CSE1L: variants seen among roughly 807,000 people sequenced by gnomAD.
CSE1L encodes chromosome segregation 1 like.
A neutral mutation model predicts 120.4 loss-of-function variants in CSE1L; 24 were observed. The observed-to-expected ratio is 0.20, with a 90% confidence interval of 0.14 to 0.28. The LOEUF (loss-of-function observed/expected upper bound fraction) is 0.28. CSE1L is among the 10% of genes least tolerant of loss of function. The pLI is 1.00. For missense variants in CSE1L, 830 were observed against 1,145.2 expected, an observed-to-expected ratio of 0.72 and a Z score of 3.97; for synonymous variants, 402 against 398.3, an observed-to-expected ratio of 1.01 and a Z score of -0.11.
At chr20:49,067,912 T>C (rs2091905335) in intron 6 of CSE1L, among the ~76,000 whole-genome samples, 1 of 113,058 alleles carries the variant, frequency 8.8e-6, no homozygotes, top group Non-Finnish European at 1.8e-5. Context: ...CTTTTTCTCT[T>C]TTTTTTTCCC....
rs2092035312 is a variant in CSE1L, at chr20:49,084,133, T to C, written c.1590T>C (p.Phe530=). 2 of 1,614,118 alleles carry C rather than the reference T, an allele frequency of 1.2e-6. No homozygotes were observed. The highest frequency in any genetic ancestry group is 1.7e-6 in the Non-Finnish European group (2 of 1,179,974). Residue 530 remains phenylalanine, a synonymous_variant, in exon 15 of 25, where the codon TTT becomes TTC. Coordinates refer to ENST00000262982, the MANE Select transcript of CSE1L (RefSeq NM_001316.4). ...TYAAHALERL[F]TMRGPNNATL... is the part of the protein sequence containing the mutation. ...CAGCTCATGCTCTTGAACGGCTCTT[T>C]ACTATGCGAGGGCCTAACAATGCCA...
At chr20:49,046,659 A>G (rs1314049997) in intron 1 of CSE1L, among the ~76,000 whole-genome samples, 26 of 152,288 alleles carry the variant, frequency 1.7e-4, no homozygotes, top group Non-Finnish European at 2.9e-5. Flanking sequence ...CGGCGACCCC[A>G]GGGCCTGTGA....
chr20:49,074,913 T>C, intron 11 of CSE1L, 63 bp downstream of exon 11: 2 of 1,218,656 alleles, frequency 1.6e-6, no homozygotes, highest in Non-Finnish European at 2.4e-6. Flanking sequence ...TGGTTCTCTT[T>C]CTAGTAAATG....
chr20:49,088,771 G>A (rs774195207), intron 17 of CSE1L, among the ~76,000 whole-genome samples: 3 of 152,026 alleles, frequency 2.0e-5, no homozygotes, highest in Non-Finnish European at 4.4e-5. Context: ...CCAAGTCTCC[G>A]CCTCCCATAT....
At chr20:49,056,677 T>C (rs1307409484) in intron 1 of CSE1L, among the ~76,000 whole-genome samples, 1 of 128,964 alleles carries the variant, frequency 7.8e-6, no homozygotes, top group African/African-American at 3.0e-5. Flanking sequence ...ACTCTGTGTA[T>C]GTGCTGTTTC....
intron 12 of CSE1L, among the ~76,000 whole-genome samples, chr20:49,076,239 G>A (rs780489809): frequency 3.2e-4 from 48 of 152,186 alleles, no homozygotes; most frequent in Admixed American, 5.9e-4. Context: ...CCAGGCTGGA[G>A]TGCAATGGCA....
chr20:49,050,461 G>A (rs1462103153), intron 1 of CSE1L, among the ~76,000 whole-genome samples: 2 of 139,928 alleles, frequency 1.4e-5, no homozygotes, highest in African/African-American at 5.5e-5. Context: ...AGAGTGCAAT[G>A]GTGCAGTCTT....
intron 10 of CSE1L, 23 bp downstream of exon 10, chr20:49,072,720 A>G: frequency 6.3e-7 from 1 of 1,581,068 alleles, no homozygotes; most frequent in African/African-American, 1.4e-5. Context: ...AAAGTATATT[A>G]GTATAAATCT....
intron 2 of CSE1L, among the ~76,000 whole-genome samples, chr20:49,060,470 C>T (rs6095416): frequency 0.39 from 54,359 of 139,320 alleles, 10,639 homozygotes; most frequent in African/African-American, 0.54. Context: ...AGCAAGACTC[C>T]GTCTCAAAAG....
intron 1 of CSE1L, among the ~76,000 whole-genome samples, chr20:49,052,238 G>A (rs1005477293): frequency 6.6e-6 from 1 of 152,174 alleles, no homozygotes; most frequent in African/African-American, 2.4e-5. Context: ...TACTAAATAT[G>A]TACTGTGTGC....
At position 49,084,083 on chromosome 20, in the gene CSE1L, G is replaced by C; in HGVS notation, c.1540G>C (p.Glu514Gln). ...IPLLINHLQA[E>Q]SIVVHTYAAH... ...TCTCTTGATTAATCATCTTCAAGCTGAAAGTATTGTTGTTCATACTTACGC... is the reference window on the plus strand; with the variant it reads ...TCTCTTGATTAATCATCTTCAAGCTCAAAGTATTGTTGTTCATACTTACGC... Residue 514 changes from glutamate (E) to glutamine (Q), a missense_variant, in exon 15 of 25, where the codon GAA becomes CAA. By Grantham distance (29) the Glu-to-Gln change is conservative (BLOSUM62 2). This residue lies in a region of CSE1L where 543 missense variants were observed against 640.2 expected (regional missense o/e 0.85). Transcript: ENST00000262982. 1 of 1,614,030 alleles carries C rather than the reference G, an allele frequency of 6.2e-7. No homozygotes were observed. The highest frequency in any genetic ancestry group is 8.5e-7 in the Non-Finnish European group (1 of 1,179,946).
intron 1 of CSE1L, among the ~76,000 whole-genome samples, chr20:49,056,807 T>C (rs1165571958): frequency 6.6e-6 from 1 of 152,034 alleles, no homozygotes; most frequent in Non-Finnish European, 1.5e-5. Flanking sequence ...ATACATTGTA[T>C]AATGGCTAAA....
intron 1 of CSE1L, among the ~76,000 whole-genome samples, chr20:49,056,112 CT>C (rs752380263): frequency 2.7e-3 from 389 of 141,550 alleles, no homozygotes; most frequent in East Asian, 4.7e-3. Flanking sequence ...TCTAAAATCG[CT>C]TTTTTTTTTT....
chr20:49,082,093 A>C (rs986936078), intron 14 of CSE1L, among the ~76,000 whole-genome samples: 5 of 151,536 alleles, frequency 3.3e-5, no homozygotes, highest in African/African-American at 1.2e-4. Context: ...TGTAGGTTTT[A>C]ATTTTTTTTT....
rs965955245 is a variant in CSE1L, at chr20:49,048,159, T to C, written c.-12+1736T>C. On this transcript the variant is annotated intron_variant, in intron 1 of 24. Coordinates refer to ENST00000262982, the MANE Select transcript of CSE1L (RefSeq NM_001316.4). The stretch of plus-strand genomic sequence containing the variant: ...GTGTGTCTCTCTCTTTTTTTTTTTT[T>C]TTTTTGACATGCTTTCAGAGGATCC... 2.7e-5 allele frequency among the ~76,000 whole-genome samples: 4 copies of C among 150,938 alleles called. No individual in the cohort carries two copies. The East Asian group carries it at 7.7e-4, about 29-fold the overall frequency.
intron 14 of CSE1L, among the ~76,000 whole-genome samples, chr20:49,081,886 C>A (rs1022477925): frequency 6.6e-6 from 1 of 152,110 alleles, no homozygotes; most frequent in African/African-American, 2.4e-5. Context: ...ATAATCCTCA[C>A]AAATCTTAAA....
intron 2 of CSE1L, 67 bp from the exon 3 acceptor site, chr20:49,063,135 T>C (rs996991575): frequency 1.2e-5 from 10 of 813,582 alleles, no homozygotes; most frequent in Non-Finnish European, 1.5e-5. Flanking sequence ...TTTATATATA[T>C]ATATTTGATA....
At position 49,084,089 on chromosome 20, in the gene CSE1L, ATTG is replaced by A; in HGVS notation, c.1552_1554del (p.Val518del). On this transcript the variant is annotated inframe_deletion, in exon 15 of 25. Transcript: ENST00000262982. ...GATTAATCATCTTCAAGCTGAAAGT[ATTG>A]TTGTTCATACTTACGCAGCTCATGC... The A allele has an allele frequency of 3.1e-6, 5 of 1,614,014 alleles. No individual in the cohort carries two copies. Among genetic ancestry groups the A allele is most frequent in the African/African-American group, 1.3e-5 (1 of 75,050 alleles).
chr20:49,046,608 C>G (rs1229700594), intron 1 of CSE1L, among the ~76,000 whole-genome samples, 185 bp downstream of exon 1: 1 of 152,226 alleles, frequency 6.6e-6, no homozygotes, highest in African/African-American at 2.4e-5. Context: ...CTAGGGAGCG[C>G]TTGCCGCGCC....
Sources: gnomAD v4.1 joint callset for allele counts (sites outside exome capture counted in the v4.1 genomes callset) on GRCh38, gnomAD v4.1.1 for gene constraint, gnomAD v4.1.1 regional missense constraint, MANE v1.5 for transcripts, NCBI Gene and HGNC (gene_info 2026-07-23, HGNC 2026-07-21) for gene names.